ST6GALNAC5: variants seen among roughly 807,000 people sequenced by gnomAD.
ST6GALNAC5 encodes ST6 N-acetylgalactosaminide alpha-2,6-sialyltransferase 5.
ST6GALNAC5 carries 27 observed loss-of-function variants against 33.6 expected under a neutral mutation model. That is an observed-to-expected ratio of 0.80 (90% confidence interval 0.59 to 1.11). ST6GALNAC5 has a LOEUF of 1.11. ST6GALNAC5 is among the 50% of genes least tolerant of loss of function. The probability of loss-of-function intolerance (pLI) is 0.00; values close to 1 mark genes in which losing one functional copy is unlikely to be tolerated. For synonymous variants in ST6GALNAC5, 194 were observed against 171.2 expected (o/e 1.13, Z -1.04); for missense variants, 428 against 454.0 (o/e 0.94, Z 0.52).
chr1:76,997,598 G>A (rs2100404013), intron 2 of ST6GALNAC5, among the ~76,000 whole-genome samples: 1 of 152,276 alleles, frequency 6.6e-6, no homozygotes, highest in South Asian at 2.1e-4. Context: ...TGGGTATCAT[G>A]TCAAGATCCA....
At chr1:76,953,125 T>G (rs1236134098) in intron 2 of ST6GALNAC5, among the ~76,000 whole-genome samples, 1 of 152,142 alleles carries the variant, frequency 6.6e-6, no homozygotes, top group East Asian at 1.9e-4. Flanking sequence ...TTTGCTGTTA[T>G]GGATAGAGCT....
At chr1:76,885,538 G>A (rs572602563) in intron 2 of ST6GALNAC5, among the ~76,000 whole-genome samples, 7 of 152,264 alleles carry the variant, frequency 4.6e-5, no homozygotes, top group African/African-American at 1.2e-4. Flanking sequence ...AGCAGTGCAC[G>A]TGATCAGTGG....
intron 2 of ST6GALNAC5, among the ~76,000 whole-genome samples, chr1:76,923,211 T>C (rs1203137276): frequency 6.6e-6 from 1 of 151,942 alleles, no homozygotes; most frequent in Non-Finnish European, 1.5e-5. Flanking sequence ...TTGTATTATT[T>C]ATTGTAACTG....
chr1:77,043,146 A>G (rs2100460985), intron 2 of ST6GALNAC5, among the ~76,000 whole-genome samples: 1 of 152,388 alleles, frequency 6.6e-6, no homozygotes, highest in South Asian at 2.1e-4. Context: ...AGAAGCGCAT[A>G]GACTCTGGAA....
chr1:77,018,470 A>G (rs1650932397), intron 2 of ST6GALNAC5, among the ~76,000 whole-genome samples: 1 of 152,170 alleles, frequency 6.6e-6, no homozygotes, highest in African/African-American at 2.4e-5. Context: ...CAGATAGGAG[A>G]ACTGGGGCTG....
chr1:77,057,150 A>G (rs1652428847), intron 4 of ST6GALNAC5, among the ~76,000 whole-genome samples: 1 of 152,200 alleles, frequency 6.6e-6, no homozygotes. Context: ...AAGAATAGAA[A>G]TGTGTTTAAA....
At chr1:77,055,726 C>A (rs1253903737) in intron 4 of ST6GALNAC5, among the ~76,000 whole-genome samples, 1 of 152,200 alleles carries the variant, frequency 6.6e-6, no homozygotes, top group Non-Finnish European at 1.5e-5. Flanking sequence ...CATCCCTCTT[C>A]CTCTGCCTTG....
chr1:77,060,058 C>A (rs148463410), intron 4 of ST6GALNAC5: 1 of 152,146 alleles, frequency 6.6e-6, no homozygotes, highest in African/African-American at 2.4e-5. Context: ...GCTCCCCAAC[C>A]GCACTAAATG....
chr1:76,909,933 T>A (rs553577934), intron 2 of ST6GALNAC5, among the ~76,000 whole-genome samples: 2 of 152,226 alleles, frequency 1.3e-5, no homozygotes, highest in East Asian at 3.9e-4. Flanking sequence ...TCCTTCCCTT[T>A]TCTTTGAAAT....
At chr1:76,991,940 T>A (rs1448840677) in intron 2 of ST6GALNAC5, among the ~76,000 whole-genome samples, 1 of 152,158 alleles carries the variant, frequency 6.6e-6, no homozygotes, top group Non-Finnish European at 1.5e-5. Context: ...CTAACAAAAA[T>A]AGATAAATGT....
At chr1:77,014,879 A>T (rs1650764904) in intron 2 of ST6GALNAC5, among the ~76,000 whole-genome samples, 1 of 152,212 alleles carries the variant, frequency 6.6e-6, no homozygotes, top group South Asian at 2.1e-4. Context: ...GTAGGATTTT[A>T]AAAACTGTAT....
intron 2 of ST6GALNAC5, among the ~76,000 whole-genome samples, chr1:76,984,183 G>A (rs1221182831): frequency 6.6e-6 from 1 of 152,162 alleles, no homozygotes; most frequent in African/African-American, 2.4e-5. Context: ...GAAAGAGATA[G>A]AGACACAAAA....
intron 2 of ST6GALNAC5, among the ~76,000 whole-genome samples, chr1:76,924,784 C>G (rs2100301710): frequency 6.6e-6 from 1 of 152,198 alleles, no homozygotes; most frequent in Admixed American, 6.5e-5. Flanking sequence ...AATGTGTAGT[C>G]CTTTGCGTCC....
intron 2 of ST6GALNAC5, among the ~76,000 whole-genome samples, chr1:76,986,389 T>G (rs1485790079): frequency 6.6e-6 from 1 of 152,198 alleles, no homozygotes; most frequent in African/African-American, 2.4e-5. Flanking sequence ...AAGACATCTA[T>G]GCAGCCAACA....
At chr1:76,978,803 T>C (rs113229363) in intron 2 of ST6GALNAC5, among the ~76,000 whole-genome samples, 2,588 of 152,262 alleles carry the variant, frequency 0.017, 67 homozygotes, top group African/African-American at 0.06. Flanking sequence ...AGAGAAATAA[T>C]GGACATCCAA....
At chr1:76,880,112 T>G (rs753719812) in intron 2 of ST6GALNAC5, among the ~76,000 whole-genome samples, 6 of 152,160 alleles carry the variant, frequency 3.9e-5, no homozygotes, top group Non-Finnish European at 8.8e-5. Flanking sequence ...TCCACTGAAC[T>G]TAGGACCAAC....
intron 2 of ST6GALNAC5, among the ~76,000 whole-genome samples, chr1:76,882,612 C>G (rs999804247): frequency 2.6e-5 from 4 of 152,182 alleles, no homozygotes; most frequent in Admixed American, 6.5e-5. Flanking sequence ...TCCTGGGAAA[C>G]TGCACAGAGT....
chr1:77,001,282 T>G (rs10873926), intron 2 of ST6GALNAC5, among the ~76,000 whole-genome samples: 54,749 of 88,888 alleles, frequency 0.62, 16,601 homozygotes, highest in East Asian at 0.89. Context: ...CTCATGATTT[T>G]GCTCTCTGTT....
At chr1:77,046,382 C>T (rs1224693629) in intron 3 of ST6GALNAC5, among the ~76,000 whole-genome samples, 1 of 152,228 alleles carries the variant, frequency 6.6e-6, no homozygotes, top group East Asian at 1.9e-4. Context: ...CCCCCAAATT[C>T]TTTGTGTGGA....
Sources: gnomAD v4.1 joint callset for allele counts (sites outside exome capture counted in the v4.1 genomes callset) on GRCh38, gnomAD v4.1.1 for gene constraint, MANE v1.5 for transcripts, NCBI Gene and HGNC (gene_info 2026-07-23, HGNC 2026-07-21) for gene names.